The following INSL6 variants were observed in gnomAD, a reference collection of about 807,000 sequenced individuals.
INSL6 encodes the protein insulin-like peptide INSL6.
In INSL6, 16 loss-of-function variants were observed where a neutral mutation model predicts 9.4. That is an observed-to-expected ratio of 1.70 (90% CI 1.15 to 2.59). INSL6 has a LOEUF of 2.59. Among genes scored for constraint, INSL6 ranks in the 30% most tolerant of loss-of-function variants. The probability of loss-of-function intolerance (pLI) is 0.00; values close to 1 mark genes in which losing one functional copy is unlikely to be tolerated. For synonymous variants in INSL6, 154 were observed against 96.9 expected (o/e 1.59, Z -3.46); for missense variants, 391 against 257.3 (o/e 1.52, Z -3.56).
In INSL6 at chr9:5,126,606, T is replaced by C. The variant is rs1586848503; in HGVS notation, c.*11-2095A>G. ...GCATGGTTATGACATGTGCCCTGTA[T>C]TGAAAATTAATGTCTTCCACCAATT... On this transcript the variant is annotated intron_variant, in intron 3 of 3. Transcript: ENST00000649639. 6 of 1,078,440 alleles carry C rather than the reference T, an allele frequency of 5.6e-6. No homozygotes were observed. The East Asian group carries it at 7.2e-5, about 13-fold the overall frequency. The allele number at this position is 1,078,440 out of a possible 1,614,324, so 66.8% of individuals were successfully genotyped here.
chr9:5,118,170 A>T, the INSL6 span, among the ~76,000 whole-genome samples: 174 of 152,324 alleles, frequency 1.1e-3, no homozygotes, highest in African/African-American at 4.1e-3. Flanking sequence ...CAAACAAACA[A>T]ATAAATAGTG....
downstream of INSL6, among the ~76,000 whole-genome samples, chr9:5,121,645 A>G (rs1453620811): frequency 6.6e-6 from 1 of 152,192 alleles, no homozygotes; most frequent in Admixed American, 6.5e-5. Flanking sequence ...GAGGCTTTGA[A>G]GCAAGAGATT....
chr9:5,029,908 T>G, the INSL6 span: 1 of 1,578,964 alleles, frequency 6.3e-7, no homozygotes, highest in Non-Finnish European at 8.6e-7. Context: ...CAGAATAAGG[T>G]ACTTTCTTCA....
the INSL6 span, among the ~76,000 whole-genome samples, chr9:5,036,593 C>G: frequency 9.2e-5 from 14 of 152,104 alleles, no homozygotes; most frequent in African/African-American, 3.1e-4. Flanking sequence ...ACAAACCTGA[C>G]AAAAACAAGA....
At chr9:5,165,479 T>G (rs1305791786) in intron 1 of INSL6, among the ~76,000 whole-genome samples, 1 of 152,196 alleles carries the variant, frequency 6.6e-6, no homozygotes, top group African/African-American at 2.4e-5. Flanking sequence ...GGATGCACAG[T>G]GGTAGCTCAC....
the INSL6 span, among the ~76,000 whole-genome samples, chr9:5,007,105 T>G: frequency 1.3e-5 from 2 of 152,132 alleles, no homozygotes; most frequent in African/African-American, 4.8e-5. Context: ...CTTTATTTTA[T>G]TTTTATTTTT....
chr9:5,082,879 C>T, the INSL6 span, among the ~76,000 whole-genome samples: 1 of 152,220 alleles, frequency 6.6e-6, no homozygotes, highest in Non-Finnish European at 1.5e-5. Context: ...GGCAAAGTTA[C>T]AGATTAACAG....
the INSL6 span, among the ~76,000 whole-genome samples, chr9:5,061,618 A>AATGTT: frequency 2.6e-5 from 4 of 152,234 alleles, no homozygotes; most frequent in African/African-American, 9.6e-5. Context: ...GGCTTAAGGG[A>AATGTT]ATGTTATGGC....
chr9:4,995,646 C>G, the INSL6 span, among the ~76,000 whole-genome samples: 1 of 152,096 alleles, frequency 6.6e-6, no homozygotes, highest in Non-Finnish European at 1.5e-5. Flanking sequence ...GTGAACATTT[C>G]TATTTATTTG....
chr9:5,102,116 C>A, the INSL6 span, among the ~76,000 whole-genome samples: 1,669 of 152,206 alleles, frequency 0.011, 33 homozygotes, highest in African/African-American at 0.037. Flanking sequence ...ATGTTCAAAC[C>A]CATCGCAAGG....
the INSL6 span, among the ~76,000 whole-genome samples, chr9:5,074,713 A>G: frequency 1.3e-5 from 2 of 152,242 alleles, no homozygotes; most frequent in Non-Finnish European, 2.9e-5. Flanking sequence ...TAAATGTTCA[A>G]GTGAAAGGAA....
intron 2 of INSL6, among the ~76,000 whole-genome samples, chr9:5,143,663 CT>C (rs58643904): frequency 0.33 from 47,522 of 142,038 alleles, 7,751 homozygotes; most frequent in African/African-American, 0.43. Context: ...ATTTGTTAAT[CT>C]TTTTTTTTTT....
At chr9:5,141,318 A>C (rs375073597) in intron 2 of INSL6, among the ~76,000 whole-genome samples, 2 of 152,154 alleles carry the variant, frequency 1.3e-5, no homozygotes, top group South Asian at 2.1e-4. Flanking sequence ...TTACACTCCT[A>C]CCAGCAGTGT....
the INSL6 span, among the ~76,000 whole-genome samples, chr9:5,033,871 A>T: frequency 6.6e-6 from 1 of 152,214 alleles, no homozygotes; most frequent in Non-Finnish European, 1.5e-5. Context: ...TAAAGACCGG[A>T]TCAAATTCAC....
At chr9:5,059,637 G>A in the INSL6 span, among the ~76,000 whole-genome samples, 2 of 151,976 alleles carry the variant, frequency 1.3e-5, no homozygotes, top group Non-Finnish European at 2.9e-5. Context: ...ACAATTTTTT[G>A]TAGTTCTATC....
At chr9:5,113,446 A>C in the INSL6 span, 2 of 148,676 alleles carry the variant, frequency 1.3e-5, no homozygotes, top group South Asian at 2.1e-4. Context: ...AAAAAAAAAA[A>C]AAACCCGGAC....
the INSL6 span, among the ~76,000 whole-genome samples, chr9:5,035,309 G>A: frequency 5.9e-5 from 9 of 152,242 alleles, no homozygotes; most frequent in African/African-American, 7.2e-5. Context: ...GAGGTGCAAA[G>A]AGGAGCTGGT....
At chr9:5,039,280 T>A in the INSL6 span, among the ~76,000 whole-genome samples, 1 of 152,068 alleles carries the variant, frequency 6.6e-6, no homozygotes, top group Non-Finnish European at 1.5e-5. Context: ...AGATTGAAAA[T>A]ACTTGGAAAA....
the INSL6 span, chr9:5,070,202 C>G: frequency 2.1e-6 from 1 of 472,002 alleles, no homozygotes; most frequent in Non-Finnish European, 3.6e-6. Flanking sequence ...ATATGCCAAC[C>G]TTGTGTTAGA....
Sources: gnomAD v4.1 joint callset for allele counts (sites outside exome capture counted in the v4.1 genomes callset) on GRCh38, gnomAD v4.1.1 for gene constraint, MANE v1.5 for transcripts, NCBI Gene and HGNC (gene_info 2026-07-23, HGNC 2026-07-21) for gene names.